TUSC3: variants seen among roughly 807,000 people sequenced by gnomAD.
The protein encoded by TUSC3 is tumor suppressor candidate 3.
A neutral mutation model predicts 44.8 loss-of-function variants in TUSC3; 45 were observed. The ratio of observed to expected loss-of-function variants is 1.00; its 90% CI spans 0.79 to 1.29. The LOEUF (loss-of-function observed/expected upper bound fraction) is 1.29. TUSC3 is among the 50% of genes most tolerant of loss of function. The pLI is 0.00. For synonymous variants in TUSC3, 212 were observed against 152.9 expected (o/e 1.39, Z -2.85); for missense variants, 519 against 437.9 (o/e 1.19, Z -1.65).
In TUSC3 at chr8:15,719,858, A is replaced by T. The variant is rs116376036; in HGVS notation, c.799-10808A>T. 6.3e-3 allele frequency among the ~76,000 whole-genome samples: 958 copies of T among 152,188 alleles called. 6 individuals are homozygous for T. The highest frequency in any genetic ancestry group is 0.022 in the African/African-American group (916 of 41,534). On this transcript the variant is annotated intron_variant, in intron 6 of 10. Transcript: ENST00000503731. ...CTCGCAGCCTGGTATGGAGCCAGAG[A>T]TCCAAATCATTTGTGTATGAGATTT...
chr8:15,539,711 A>G (rs1443719189), upstream of TUSC3, among the ~76,000 whole-genome samples: 2 of 152,116 alleles, frequency 1.3e-5, no homozygotes, highest in Admixed American at 6.5e-5. Context: ...TCGTTTTTAT[A>G]TTAAAAGTAG....
At chr8:15,454,732 G>T (rs564645607) in intron 1 of TUSC3, among the ~76,000 whole-genome samples, 1 of 152,130 alleles carries the variant, frequency 6.6e-6, no homozygotes, top group African/African-American at 2.4e-5. Flanking sequence ...TAATAAACTG[G>T]ACTGCACAAG....
intron 1 of TUSC3, among the ~76,000 whole-genome samples, chr8:15,585,190 A>G (rs1349623567): frequency 1.3e-5 from 2 of 152,308 alleles, no homozygotes; most frequent in South Asian, 4.1e-4. Flanking sequence ...GAGTGGCATT[A>G]GGAATACAGA....
intron 1 of TUSC3, among the ~76,000 whole-genome samples, chr8:15,564,168 A>C (rs544558152): frequency 2.0e-5 from 3 of 152,112 alleles, no homozygotes; most frequent in African/African-American, 7.2e-5. Flanking sequence ...TGTGACTGGC[A>C]CTTCAAAAAT....
intron 2 of TUSC3, among the ~76,000 whole-genome samples, chr8:15,648,347 G>A (rs570776946): frequency 1.3e-5 from 2 of 152,166 alleles, no homozygotes; most frequent in South Asian, 2.1e-4. Context: ...CAGTCTGCAT[G>A]TTCTCACTGG....
intron 2 of TUSC3, among the ~76,000 whole-genome samples, chr8:15,532,506 G>C (rs1801462747): frequency 6.6e-6 from 1 of 152,104 alleles, no homozygotes; most frequent in African/African-American, 2.4e-5. Flanking sequence ...AGACGGTCTG[G>C]GATCCTCAAT....
chr8:15,602,103 T>G (rs923915195), intron 1 of TUSC3, among the ~76,000 whole-genome samples: 2 of 151,548 alleles, frequency 1.3e-5, no homozygotes, highest in Non-Finnish European at 3.0e-5. Context: ...CATTTTGGAT[T>G]TCAGATGTTA....
chr8:15,470,612 G>A (rs796905580), intron 1 of TUSC3, among the ~76,000 whole-genome samples: 7 of 152,272 alleles, frequency 4.6e-5, no homozygotes, highest in African/African-American at 1.7e-4. Flanking sequence ...GAAGAATAAA[G>A]TGTATTTTAA....
chr8:15,556,556 C>A (rs1413480974), intron 1 of TUSC3, among the ~76,000 whole-genome samples: 1 of 149,284 alleles, frequency 6.7e-6, no homozygotes, highest in African/African-American at 2.4e-5. Flanking sequence ...ATTTCCAGTT[C>A]TAGATCCCTG....
chr8:15,606,808 G>A (rs899669240), intron 1 of TUSC3, among the ~76,000 whole-genome samples: 3 of 152,030 alleles, frequency 2.0e-5, no homozygotes, highest in East Asian at 1.9e-4. Flanking sequence ...TTAAAGCTTC[G>A]TATGTATTAT....
intron 1 of TUSC3, among the ~76,000 whole-genome samples, chr8:15,571,192 G>T (rs891318620): frequency 2.6e-5 from 4 of 151,704 alleles, no homozygotes; most frequent in African/African-American, 4.8e-5. Flanking sequence ...GACTTCAGGG[G>T]ATCCACCTGC....
intron 1 of TUSC3, among the ~76,000 whole-genome samples, chr8:15,442,927 T>C (rs1385387055): frequency 6.6e-6 from 1 of 152,138 alleles, no homozygotes; most frequent in Non-Finnish European, 1.5e-5. Flanking sequence ...TCTTATTATC[T>C]AACTCCTCAA....
chr8:15,471,233 T>A (rs553222939), intron 1 of TUSC3, among the ~76,000 whole-genome samples: 2 of 152,194 alleles, frequency 1.3e-5, no homozygotes, highest in Non-Finnish European at 2.9e-5. Context: ...AATGTCTGTA[T>A]AGCTCATGTT....
intron 2 of TUSC3, among the ~76,000 whole-genome samples, chr8:15,522,868 G>C (rs4831736): frequency 0.076 from 11,520 of 152,164 alleles, 518 homozygotes; most frequent in Middle Eastern, 0.13. Flanking sequence ...ACACAAATGT[G>C]CTATGTCAGT....
intron 2 of TUSC3, among the ~76,000 whole-genome samples, chr8:15,646,925 A>G (rs1421648484): frequency 6.6e-6 from 1 of 152,058 alleles, no homozygotes; most frequent in Non-Finnish European, 1.5e-5. Context: ...TCTTTTGTTT[A>G]TCACTGTAAC....
intron 1 of TUSC3, among the ~76,000 whole-genome samples, chr8:15,420,294 G>A (rs1799722390): frequency 6.6e-6 from 1 of 152,030 alleles, no homozygotes. Context: ...GTCAGAAGCT[G>A]GAGACCAGCC....
At chr8:15,514,401 C>G (rs893267610) in intron 2 of TUSC3, among the ~76,000 whole-genome samples, 2 of 152,088 alleles carry the variant, frequency 1.3e-5, no homozygotes, top group Admixed American at 1.3e-4. Flanking sequence ...CAGAAACTTG[C>G]TCATGATTAC....
At position 15,452,404 on chromosome 8, in the gene TUSC3, C is replaced by T. The variant is rs193025991; in HGVS notation, n.92-30982C>T. On this transcript the variant is annotated intron_variant and non_coding_transcript_variant, in intron 1 of 5. Transcript: ENST00000503191. ...AGGGCAAAGAACAACTGATTACTCA[C>T]GCCTTTAATTAAATTCATATGGAAT... is the stretch of plus-strand genomic sequence containing the variant. 6.6e-4 allele frequency among the ~76,000 whole-genome samples: 101 copies of T among 152,242 alleles called. 1 individual carries two copies. In the South Asian group the frequency reaches 0.012, roughly 18 times the overall value.
rs555298368 is a variant in TUSC3, at chr8:15,586,174, T to G, written c.139-36906T>G. ...CATATATTTGCCTGTTAAAAGGTCATTTTTAGTTGGCCAGAAACAATTTAA... is the reference window on the plus strand; with the variant it reads ...CATATATTTGCCTGTTAAAAGGTCAGTTTTAGTTGGCCAGAAACAATTTAA... On this transcript the variant is annotated intron_variant, in intron 1 of 10. Coordinates refer to ENST00000503731, the MANE Select transcript of TUSC3 (RefSeq NM_006765.4). 1.6e-4 allele frequency among the ~76,000 whole-genome samples: 25 copies of G among 152,290 alleles called. No homozygotes were observed. In the East Asian group the frequency reaches 2.9e-3, roughly 18 times the overall value.
Sources: gnomAD v4.1 joint callset for allele counts (sites outside exome capture counted in the v4.1 genomes callset) on GRCh38, gnomAD v4.1.1 for gene constraint, MANE v1.5 for transcripts, NCBI Gene and HGNC (gene_info 2026-07-23, HGNC 2026-07-21) for gene names.